The following KIAA1549L variants were observed in gnomAD, a reference collection of about 807,000 sequenced individuals.
KIAA1549L encodes the protein UPF0606 protein KIAA1549L.
A neutral mutation model predicts 160.7 loss-of-function variants in KIAA1549L; 88 were observed. The ratio of observed to expected loss-of-function variants is 0.55; its 90% CI spans 0.46 to 0.65. The LOEUF (loss-of-function observed/expected upper bound fraction) is 0.65. Among genes scored for constraint, KIAA1549L ranks in the 30% least tolerant of loss-of-function variants. The pLI is 0.00. For synonymous variants in KIAA1549L, 950 were observed against 976.7 expected (o/e 0.97, Z 0.51); for missense variants, 2,258 against 2,437.5 (o/e 0.93, Z 1.55).
chr11:33,379,802 T>G (rs1451176926), intron 1 of KIAA1549L, among the ~76,000 whole-genome samples: 2 of 152,216 alleles, frequency 1.3e-5, no homozygotes, highest in Admixed American at 6.5e-5. Flanking sequence ...TGGTATACAG[T>G]AGGCGCTCAG....
At chr11:33,549,089 C>G (rs1388087630) in intron 4 of KIAA1549L, among the ~76,000 whole-genome samples, 1 of 152,158 alleles carries the variant, frequency 6.6e-6, no homozygotes, top group Non-Finnish European at 1.5e-5. Context: ...CATTCTCAAA[C>G]TGCTTTTACA....
chr11:33,580,375 A>AC (rs1236046119), intron 10 of KIAA1549L, among the ~76,000 whole-genome samples: 1 of 152,080 alleles, frequency 6.6e-6, no homozygotes, highest in East Asian at 1.9e-4. Context: ...GGAGTTTGAG[A>AC]CCAGCCTGGC....
intron 1 of KIAA1549L, among the ~76,000 whole-genome samples, chr11:33,446,771 GC>G (rs1490609939): frequency 3.5e-4 from 54 of 152,122 alleles, no homozygotes; most frequent in Non-Finnish European, 1.3e-4. Flanking sequence ...TCATGGTGCT[GC>G]CCTAGTGTCC....
intron 1 of KIAA1549L, among the ~76,000 whole-genome samples, chr11:33,487,750 C>A (rs1234037603): frequency 6.6e-6 from 1 of 152,074 alleles, no homozygotes; most frequent in Non-Finnish European, 1.5e-5. Context: ...TATTAATATA[C>A]AGTCAGGGTT....
At position 33,543,413 on chromosome 11, in the gene KIAA1549L, C is replaced by T. The variant is rs61736870; in HGVS notation, c.1850C>T (p.Thr617Met). ...TCTCCCATCATTACAGCACCAAGGA[C>T]GAATCCCCTTCCTTCAGGACCACCT... ...VSSPIITAPR[T>M]NPLPSGPPLP... is the part of the protein sequence containing the mutation. The change falls in exon 2 of 21, where the codon ACG becomes ATG. Residue 617 changes from threonine (T) to methionine (M), a missense_variant. By Grantham distance (81) the Thr-to-Met change is moderately conservative. This residue lies in a region of KIAA1549L where 20 missense variants were observed against 23.2 expected (regional missense o/e 0.86). Coordinates refer to ENST00000658780, the MANE Select transcript of KIAA1549L (RefSeq NM_012194.3). The T allele has an allele frequency of 2.3e-3, 3,792 of 1,613,958 alleles. 81 individuals carry two copies. In the African/African-American group the frequency reaches 0.045, roughly 19 times the overall value.
At chr11:33,596,295 G>A (rs1415883567) in intron 12 of KIAA1549L, among the ~76,000 whole-genome samples, 1 of 152,188 alleles carries the variant, frequency 6.6e-6, no homozygotes, top group Non-Finnish European at 1.5e-5. Context: ...ATGACTCCCT[G>A]TAAATGTGTC....
chr11:33,446,092 C>T (rs1375241387), intron 1 of KIAA1549L, among the ~76,000 whole-genome samples: 1 of 145,232 alleles, frequency 6.9e-6, no homozygotes, highest in Non-Finnish European at 1.5e-5. Flanking sequence ...GGCAAAAGTC[C>T]TGTCTTTTTT....
chr11:33,417,987 C>T (rs1850922422), intron 1 of KIAA1549L, among the ~76,000 whole-genome samples: 1 of 152,154 alleles, frequency 6.6e-6, no homozygotes, highest in South Asian at 2.1e-4. Flanking sequence ...CCATGTTGGC[C>T]AGGCTAGTCT....
chr11:33,379,909 C>T (rs1010398157), intron 1 of KIAA1549L, among the ~76,000 whole-genome samples: 7 of 152,314 alleles, frequency 4.6e-5, no homozygotes, highest in African/African-American at 9.6e-5. Flanking sequence ...TGAATAAGGA[C>T]GAGGCAGTTT....
chr11:33,432,570 C>G (rs540498230), intron 1 of KIAA1549L, among the ~76,000 whole-genome samples: 34 of 152,220 alleles, frequency 2.2e-4, no homozygotes, highest in African/African-American at 7.5e-4. Flanking sequence ...ATAAACATAT[C>G]TTTTCCTCCT....
rs2281380 is a variant in KIAA1549L, at chr11:33,559,760, G to A, written c.3867G>A (p.Thr1289=). ...KSNLTIQIVS[T]SNASQAVTLV... is the part of the protein sequence containing the mutation. ...CTGTGTTGATTCAGATTGTGAGCAC[G>A]TCCAATGCCTCCCAGGCAGTCACCT... Residue 1289 remains threonine (T), a synonymous_variant, in exon 7 of 21, where the codon ACG becomes ACA. Transcript: ENST00000658780. The A allele has an allele frequency of 0.39, 623,747 of 1,611,858 alleles. 121,948 individuals are homozygous for A. Among genetic ancestry groups the A allele is most frequent in the Middle Eastern group, 0.48 (2,922 of 6,056 alleles).
At position 33,632,784 on chromosome 11, in the gene KIAA1549L, G is replaced by A. The variant is rs549958092; in HGVS notation, c.5410-12902G>A. Among the ~76,000 whole-genome samples, 21 of 151,726 alleles carry A rather than the reference G, an allele frequency of 1.4e-4. No homozygotes were observed. In the South Asian group the frequency reaches 4.4e-3, roughly 32 times the overall value. ...ATTTATTTATTTTTGTAGAAATGGG[G>A]TCTCCCTATGTTGCCCATAGAGGCT... is the stretch of plus-strand genomic sequence containing the variant. On this transcript the variant is annotated intron_variant, in intron 16 of 20. Coordinates refer to ENST00000658780, the MANE Select transcript of KIAA1549L (RefSeq NM_012194.3).
At chr11:33,646,075 A>G in intron 17 of KIAA1549L, 39 bp downstream of exon 17, 2 of 1,463,538 alleles carry the variant, frequency 1.4e-6, no homozygotes, top group Non-Finnish European at 1.9e-6. Context: ...TCATCTGGTC[A>G]GTCTGCCCAG....
intron 1 of KIAA1549L, among the ~76,000 whole-genome samples, chr11:33,416,675 C>T (rs779932179): frequency 3.9e-5 from 6 of 152,060 alleles, no homozygotes; most frequent in Non-Finnish European, 5.9e-5. Context: ...TCCTTAGGGG[C>T]CCTGGAACCA....
At chr11:33,398,581 AG>A (rs1850432857) in intron 1 of KIAA1549L, among the ~76,000 whole-genome samples, 1 of 152,216 alleles carries the variant, frequency 6.6e-6, no homozygotes, top group African/African-American at 2.4e-5. Flanking sequence ...AGAGAAACAA[AG>A]CACCAGTCCT....
At position 33,667,995 on chromosome 11, in the gene KIAA1549L, GGCGCCCTCCACA is replaced by G; in HGVS notation, c.6286_6297del (p.Pro2096_Ala2099del). On this transcript the variant is annotated inframe_deletion, in exon 21 of 21. Transcript: ENST00000658780. The stretch of plus-strand genomic sequence containing the variant: ...TGCACCCCAGCCTGGAGCAGGCCCC[GGCGCCCTCCACA>G]GCGGCCTCGCAGCAGAGCCTGGCAG... The G allele has an allele frequency of 6.2e-7, 1 of 1,613,908 alleles. No individual in the cohort carries two copies. Among genetic ancestry groups the G allele is most frequent in the South Asian group, 1.1e-5 (1 of 91,076 alleles).
intron 1 of KIAA1549L, among the ~76,000 whole-genome samples, chr11:33,521,502 C>G (rs1391656564): frequency 1.3e-5 from 2 of 152,284 alleles, no homozygotes; most frequent in East Asian, 3.9e-4. Context: ...AAATGCTGGA[C>G]TGTAGGAAGT....
intron 1 of KIAA1549L, among the ~76,000 whole-genome samples, chr11:33,408,508 T>TATATATATATATATATATAC (rs1850718250): frequency 6.7e-6 from 1 of 149,134 alleles, no homozygotes; most frequent in African/African-American, 2.5e-5. Flanking sequence ...TATATATATA[T>TATATATATATATATATATAC]ATACACATGT....
chr11:33,581,166 G>A (rs144408649), intron 10 of KIAA1549L, among the ~76,000 whole-genome samples: 34 of 152,280 alleles, frequency 2.2e-4, no homozygotes, highest in African/African-American at 7.7e-4. Flanking sequence ...GGGTTTGGTG[G>A]GAGAACCACG....
Sources: allele counts gnomAD v4.1 joint callset (sites outside exome capture counted in the v4.1 genomes callset), GRCh38; gene constraint gnomAD v4.1.1; regional missense constraint gnomAD v4.1.1; transcripts MANE v1.5; gene names NCBI Gene and HGNC (gene_info 2026-07-23, HGNC 2026-07-21).